PRKN: variants seen among roughly 807,000 people sequenced by gnomAD.
The protein encoded by PRKN is parkin RBR E3 ubiquitin protein ligase.
In PRKN, 56 loss-of-function variants were observed where a neutral mutation model predicts 59.5. The observed-to-expected ratio is 0.94, with a 90% CI of 0.76 to 1.18. The LOEUF (loss-of-function observed/expected upper bound fraction) is 1.18. Ranked by LOEUF, PRKN falls within the 50% of genes most tolerant of loss-of-function variation. PRKN has a pLI of 0.00. For synonymous variants in PRKN, 250 were observed against 222.1 expected, an observed-to-expected ratio of 1.13 and a Z score of -1.12; for missense variants, 657 against 596.4, an observed-to-expected ratio of 1.10 and a Z score of -1.06.
At chr6:162,434,103 C>G (rs562509956) in intron 2 of PRKN, among the ~76,000 whole-genome samples, 2 of 152,132 alleles carry the variant, frequency 1.3e-5, no homozygotes, top group African/African-American at 4.8e-5. Flanking sequence ...CAATCCAATG[C>G]AGTTTACACA....
intron 6 of PRKN, among the ~76,000 whole-genome samples, chr6:161,855,709 C>G (rs983266728): frequency 1.6e-4 from 25 of 152,106 alleles, no homozygotes; most frequent in African/African-American, 6.0e-4. Flanking sequence ...AATCCTTATA[C>G]CTGTTGCTTC....
rs1781109572 is a variant in PRKN at position 161,575,827 on chromosome 6, A to G, written c.872-6411T>C. 6.6e-6 allele frequency among the ~76,000 whole-genome samples: 1 copy of G among 152,254 alleles called. No individual in the cohort carries two copies. The highest frequency in any genetic ancestry group is 1.5e-5 in the Non-Finnish European group (1 of 68,054). On this transcript the variant is annotated intron_variant, in intron 7 of 11. Transcript: ENST00000366898. The surrounding 1 kb of genome is among the most constrained non-coding windows in gnomAD (Gnocchi z 4.6). Reference sequence around the variant, plus strand: ...TCCCTAATGTGGGCTTGACAATTACAGTGACCTTCTATTTCCCCCCTAAGT... The same window carrying G: ...TCCCTAATGTGGGCTTGACAATTACGGTGACCTTCTATTTCCCCCCTAAGT...
At chr6:162,458,902 C>A (rs895477182) in intron 1 of PRKN, among the ~76,000 whole-genome samples, 2 of 152,106 alleles carry the variant, frequency 1.3e-5, no homozygotes, top group Non-Finnish European at 2.9e-5. Context: ...CTGCATGCAA[C>A]CTCTGCCTCC....
At chr6:161,864,359 A>G (rs1229029886) in intron 6 of PRKN, among the ~76,000 whole-genome samples, 2 of 152,160 alleles carry the variant, frequency 1.3e-5, no homozygotes, top group Non-Finnish European at 2.9e-5. Flanking sequence ...TTCACCCATA[A>G]GATGCGATTC....
chr6:162,495,075 C>T (rs1299405770), intron 1 of PRKN, among the ~76,000 whole-genome samples: 1 of 152,146 alleles, frequency 6.6e-6, no homozygotes, highest in East Asian at 1.9e-4. Flanking sequence ...CATTAAAAGA[C>T]AGTTAATCGA....
rs567411797 is a variant in PRKN at position 161,707,696 on chromosome 6, C to T, written c.871+78076G>A. Among the ~76,000 whole-genome samples the T allele has an allele frequency of 1.3e-3, 190 of 144,196 alleles. 2 individuals are homozygous for T. Among genetic ancestry groups the T allele is most frequent in the African/African-American group, 4.5e-3 (167 of 37,066 alleles). 94.6% of individuals were successfully genotyped at this position (144,196 alleles called of 152,430 possible). On this transcript the variant is annotated intron_variant, in intron 7 of 11. Coordinates refer to ENST00000366898, the MANE Select transcript of PRKN (RefSeq NM_004562.3). ...CAACTATATATTCAAAGGCAGTTTT[C>T]GATTTTAACAAATTTAATTTTTGTA...
At chr6:162,233,877 A>G (rs746727426) in intron 3 of PRKN, among the ~76,000 whole-genome samples, 2 of 152,230 alleles carry the variant, frequency 1.3e-5, no homozygotes, top group Non-Finnish European at 2.9e-5. Flanking sequence ...GGCAGCAAGA[A>G]GGCCCTCACC....
intron 5 of PRKN, among the ~76,000 whole-genome samples, chr6:162,039,135 G>A (rs540312811): frequency 1.2e-3 from 173 of 149,564 alleles, no homozygotes; most frequent in African/African-American, 4.0e-3. Context: ...CAGCCTGGGC[G>A]ACAGAGCGAG....
intron 1 of PRKN, among the ~76,000 whole-genome samples, chr6:162,686,753 T>C (rs1217910078): frequency 1.3e-5 from 2 of 152,142 alleles, no homozygotes; most frequent in East Asian, 1.9e-4. Flanking sequence ...GACTAACATA[T>C]ACTCCTGAGA....
intron 4 of PRKN, among the ~76,000 whole-genome samples, chr6:162,166,013 A>G (rs1782965336): frequency 7.2e-6 from 1 of 139,382 alleles, no homozygotes; most frequent in Non-Finnish European, 1.5e-5. Flanking sequence ...ATGCCACTGC[A>G]CTCCAGCCTG....
In PRKN at chr6:161,409,355, G is replaced by T. The variant is rs1787421280; in HGVS notation, c.1084-22478C>A. Among the ~76,000 whole-genome samples, 1 of 152,132 alleles carries T rather than the reference G, an allele frequency of 6.6e-6. No homozygotes were observed. The highest frequency in any genetic ancestry group is 2.4e-5 in the African/African-American group (1 of 41,412). ...ATGACAGCATTGTGTGTTCTCTAAA[G>T]CGCCAGGTTATAACGGCCATATGTC... On this transcript the variant is annotated intron_variant, in intron 9 of 11. Coordinates refer to ENST00000366898, the MANE Select transcript of PRKN (RefSeq NM_004562.3). The surrounding 1 kb of genome is among the most constrained non-coding windows in gnomAD (Gnocchi z 4.6).
chr6:161,567,242 T>C (rs1780688444), intron 8 of PRKN, among the ~76,000 whole-genome samples: 1 of 152,054 alleles, frequency 6.6e-6, no homozygotes, highest in South Asian at 2.1e-4. Context: ...GTTTCACTAT[T>C]TCACTATGTT....
chr6:162,368,448 G>T (rs1785569823), intron 2 of PRKN, among the ~76,000 whole-genome samples: 1 of 152,156 alleles, frequency 6.6e-6, no homozygotes, highest in South Asian at 2.1e-4. Context: ...AAGTCTCATT[G>T]TTTCTTAAAA....
At chr6:162,180,956 T>C (rs909607465) in intron 4 of PRKN, among the ~76,000 whole-genome samples, 1 of 152,158 alleles carries the variant, frequency 6.6e-6, no homozygotes, top group Admixed American at 6.5e-5. Context: ...CCAAATAACA[T>C]GATTCTAGTT....
At chr6:162,385,148 C>G (rs1786734015) in intron 2 of PRKN, among the ~76,000 whole-genome samples, 1 of 152,136 alleles carries the variant, frequency 6.6e-6, no homozygotes, top group Non-Finnish European at 1.5e-5. Context: ...ACTTATGGAA[C>G]TCACATGAAA....
intron 5 of PRKN, among the ~76,000 whole-genome samples, chr6:162,031,779 C>T (rs1368559798): frequency 2.0e-5 from 3 of 152,272 alleles, no homozygotes; most frequent in East Asian, 1.9e-4. Flanking sequence ...ATCCACCCCA[C>T]TCAACCTCCC....
At chr6:161,619,484 T>C (rs143165672) in intron 7 of PRKN, among the ~76,000 whole-genome samples, 257 of 152,330 alleles carry the variant, frequency 1.7e-3, no homozygotes, top group African/African-American at 5.8e-3. Context: ...ATGATATCTA[T>C]ATAACAATAA....
intron 1 of PRKN, among the ~76,000 whole-genome samples, chr6:162,484,245 T>G (rs1792439833): frequency 6.6e-6 from 1 of 152,172 alleles, no homozygotes; most frequent in Non-Finnish European, 1.5e-5. Flanking sequence ...AAGCAGACTC[T>G]ATTTTAATGA....
intron 7 of PRKN, among the ~76,000 whole-genome samples, chr6:161,622,594 G>A (rs1782947331): frequency 6.6e-6 from 1 of 152,134 alleles, no homozygotes; most frequent in Admixed American, 6.5e-5. Context: ...CCACCCCACA[G>A]TCCATGTGAG....
Sources: gnomAD v4.1 joint callset for allele counts (sites outside exome capture counted in the v4.1 genomes callset) on GRCh38, gnomAD v4.1.1 for gene constraint, Gnocchi (gnomAD v3.1) non-coding constraint, MANE v1.5 for transcripts, NCBI Gene and HGNC (gene_info 2026-07-23, HGNC 2026-07-21) for gene names.